MYT1L: variants seen among roughly 807,000 people sequenced by gnomAD.
MYT1L encodes the protein myelin transcription factor 1 like, also known as myelin transcription factor 1-like protein.
A neutral mutation model predicts 126.7 loss-of-function variants in MYT1L; 12 were observed. The ratio of observed to expected loss-of-function variants is 0.09; its 90% CI spans 0.06 to 0.15. The LOEUF (loss-of-function observed/expected upper bound fraction) is 0.15, where lower values mean the gene tolerates loss of function less well. Among genes scored for constraint, MYT1L ranks in the 10% least tolerant of loss-of-function variants. The pLI, the probability that MYT1L is intolerant of heterozygous loss-of-function variation, is 1.00. For missense variants in MYT1L, 979 were observed against 1,585.2 expected (o/e 0.62, Z 6.49); for synonymous variants, 541 against 604.2 (o/e 0.90, Z 1.53).
intron 21 of MYT1L, among the ~76,000 whole-genome samples, chr2:1,835,610 G>A (rs1464548692): frequency 6.6e-6 from 1 of 152,132 alleles, no homozygotes; most frequent in African/African-American, 2.4e-5. Flanking sequence ...CCCAGGTCCG[G>A]TGTGCTCAGG....
At chr2:1,978,174 G>A (rs531797264) in intron 8 of MYT1L, among the ~76,000 whole-genome samples, 2 of 152,200 alleles carry the variant, frequency 1.3e-5, no homozygotes, top group South Asian at 2.1e-4. Context: ...GATGTCACTC[G>A]TAAGCTAATG....
chr2:1,794,361 C>T (rs2032942137), intron 23 of MYT1L, among the ~76,000 whole-genome samples: 1 of 152,352 alleles, frequency 6.6e-6, no homozygotes, highest in African/African-American at 2.4e-5. Context: ...CCTAGCCAGG[C>T]AAAGTGTGGG....
chr2:2,118,244 C>T (rs770102125), intron 3 of MYT1L, among the ~76,000 whole-genome samples: 2 of 152,004 alleles, frequency 1.3e-5, no homozygotes, highest in South Asian at 2.1e-4. Flanking sequence ...CTCCTCCAGG[C>T]GGTGTGCTCC....
intron 3 of MYT1L, among the ~76,000 whole-genome samples, chr2:2,151,949 G>C (rs1354911125): frequency 6.6e-6 from 1 of 152,098 alleles, no homozygotes; most frequent in Non-Finnish European, 1.5e-5. Flanking sequence ...CCAGCTACTG[G>C]GGAGGCTGAG....
At chr2:2,036,906 G>A (rs538433097) in intron 4 of MYT1L, among the ~76,000 whole-genome samples, 2 of 152,166 alleles carry the variant, frequency 1.3e-5, no homozygotes, top group Admixed American at 6.5e-5. Flanking sequence ...AGGCCCTGCA[G>A]GACATGGCTC....
intron 4 of MYT1L, among the ~76,000 whole-genome samples, chr2:2,037,255 T>C (rs544663089): frequency 6.6e-6 from 1 of 152,324 alleles, no homozygotes; most frequent in South Asian, 2.1e-4. Context: ...TCTGCCAACC[T>C]TTCTAAGTTC....
intron 4 of MYT1L, among the ~76,000 whole-genome samples, chr2:2,023,220 A>T (rs2065202294): frequency 6.6e-6 from 1 of 152,184 alleles, no homozygotes; most frequent in South Asian, 2.1e-4. Flanking sequence ...CTTTATGGCC[A>T]GTGTGGGCAC....
chr2:1,928,254 T>C (rs1428059144), intron 9 of MYT1L, among the ~76,000 whole-genome samples: 1 of 152,252 alleles, frequency 6.6e-6, no homozygotes, highest in Non-Finnish European at 1.5e-5. Context: ...ATGTTTCATA[T>C]ACCACATTTC....
intron 2 of MYT1L, among the ~76,000 whole-genome samples, chr2:2,175,233 C>T (rs2090596090): frequency 6.6e-6 from 1 of 152,108 alleles, no homozygotes; most frequent in South Asian, 2.1e-4. Flanking sequence ...CCCTGTGGGA[C>T]ACAGATGGAA....
rs184264515 is a variant in MYT1L at position 2,044,942 on chromosome 2, T to C, written c.-158+9036A>G. Among the ~76,000 whole-genome samples the C allele has an allele frequency of 1.1e-4, 17 of 152,268 alleles. No homozygotes were observed. In the South Asian group the frequency reaches 1.5e-3, roughly 13 times the overall value. On this transcript the variant is annotated intron_variant, in intron 4 of 24. Transcript: ENST00000647738. ...AAATTTGTTGGATCAGTTGCACTAA[T>C]TGGATATCTGTGCTTGCAAGGATGA...
At position 1,935,448 on chromosome 2, in the gene MYT1L, G is replaced by T. The variant is rs1368422859; in HGVS notation, c.505+7534C>A. 4.6e-5 allele frequency among the ~76,000 whole-genome samples: 7 copies of T among 152,190 alleles called. 1 individual carries two copies. In the South Asian group the frequency reaches 1.5e-3, roughly 32 times the overall value. On this transcript the variant is annotated intron_variant, in intron 9 of 24. Coordinates refer to ENST00000647738, the MANE Select transcript of MYT1L (RefSeq NM_001303052.2). ...AGGGGGTCATGGATGTTAGGTTCAG[G>T]GTTACAGAAGAGCATGAATAAATGG...
chr2:2,137,975 A>C (rs1007690568), intron 3 of MYT1L, among the ~76,000 whole-genome samples: 1 of 152,122 alleles, frequency 6.6e-6, no homozygotes, highest in African/African-American at 2.4e-5. Context: ...TCTACAATGA[A>C]CTCAAACAAA....
At chr2:1,965,755 C>A (rs1455164336) in intron 8 of MYT1L, among the ~76,000 whole-genome samples, 9 of 152,226 alleles carry the variant, frequency 5.9e-5, no homozygotes, top group Admixed American at 5.2e-4. Context: ...GCACCGCGGG[C>A]TGATTCAGGA....
intron 11 of MYT1L, among the ~76,000 whole-genome samples, chr2:1,916,115 C>T (rs2052787054): frequency 6.6e-6 from 1 of 152,060 alleles, no homozygotes; most frequent in African/African-American, 2.4e-5. Flanking sequence ...ACAAAACACA[C>T]AAGTTTGCTA....
rs958226939 is a variant in MYT1L, at chr2:1,937,770, G to A, written c.505+5212C>T. Among the ~76,000 whole-genome samples, 15 of 152,090 alleles carry A rather than the reference G, an allele frequency of 9.9e-5. 1 individual carries two copies. The highest frequency in any genetic ancestry group is 2.2e-4 in the African/African-American group (9 of 41,492). ...GCAAGTCGAGAAGGCCCTAATGTCC[G>A]CGGCCATCAGATCGCACGTGGAGAA... On this transcript the variant is annotated intron_variant, in intron 9 of 24. Transcript: ENST00000647738.
chr2:2,255,600 T>G (rs1302413868), intron 2 of MYT1L, among the ~76,000 whole-genome samples: 1 of 152,212 alleles, frequency 6.6e-6, no homozygotes, highest in Non-Finnish European at 1.5e-5. Context: ...TTGAATAATT[T>G]TCTAAAAATA....
At chr2:2,052,716 A>G (rs2068982494) in intron 4 of MYT1L, among the ~76,000 whole-genome samples, 1 of 152,210 alleles carries the variant, frequency 6.6e-6, no homozygotes, top group Non-Finnish European at 1.5e-5. Context: ...AAACCACAAT[A>G]GGATGCCACT....
rs55691954 is a variant in MYT1L at position 2,269,345 on chromosome 2, C to T, written c.-421+15059G>A. On this transcript the variant is annotated intron_variant, in intron 2 of 24. Transcript: ENST00000647738. ...TGGTGGTTTACAAAGACCTTGTGGC[C>T]CTGCTCAACTGCAGCCCACATTCTG... Among the ~76,000 whole-genome samples, 672 of 152,270 alleles carry T rather than the reference C, an allele frequency of 4.4e-3. 2 individuals are homozygous for T. The highest frequency in any genetic ancestry group is 0.015 in the African/African-American group (639 of 41,550).
At chr2:2,275,719 G>T (rs1305102401) in intron 2 of MYT1L, among the ~76,000 whole-genome samples, 1 of 152,104 alleles carries the variant, frequency 6.6e-6, no homozygotes, top group African/African-American at 2.4e-5. Context: ...CATATACACT[G>T]AGCATGCTTC....
Sources: allele counts gnomAD v4.1 joint callset (sites outside exome capture counted in the v4.1 genomes callset), GRCh38; gene constraint gnomAD v4.1.1; transcripts MANE v1.5; gene names NCBI Gene and HGNC (gene_info 2026-07-23, HGNC 2026-07-21).